The following ACYP2 variants were observed in gnomAD, a reference collection of about 807,000 sequenced individuals.
The protein encoded by ACYP2 is acylphosphatase-2.
In ACYP2, 12 loss-of-function variants were observed where a neutral mutation model predicts 11.2. The observed-to-expected ratio is 1.08, with a 90% confidence interval of 0.69 to 1.74. The LOEUF (loss-of-function observed/expected upper bound fraction) is 1.74, where lower values mean the gene tolerates loss of function less well. ACYP2 is among the 40% of genes most tolerant of loss of function. The pLI, the probability that ACYP2 is intolerant of heterozygous loss-of-function variation, is 0.00. For synonymous variants in ACYP2, 43 were observed against 32.2 expected, an observed-to-expected ratio of 1.33 and a Z score of -1.13; for missense variants, 134 against 101.9, an observed-to-expected ratio of 1.31 and a Z score of -1.35.
intron 6 of ACYP2, among the ~76,000 whole-genome samples, chr2:54,186,431 C>G (rs868827832): frequency 1.3e-5 from 2 of 152,046 alleles, no homozygotes; most frequent in East Asian, 3.8e-4. Flanking sequence ...TCCTTTCTTC[C>G]TATAATTACA....
At chr2:54,037,751 A>G (rs1451204833) in intron 2 of ACYP2, among the ~76,000 whole-genome samples, 6 of 152,240 alleles carry the variant, frequency 3.9e-5, no homozygotes, top group Admixed American at 2.6e-4. Flanking sequence ...AATAAAATAT[A>G]TAGTAAAATC....
intron 6 of ACYP2, among the ~76,000 whole-genome samples, chr2:54,301,946 C>T (rs1242626852): frequency 6.6e-6 from 1 of 152,118 alleles, no homozygotes; most frequent in Non-Finnish European, 1.5e-5. Flanking sequence ...GGAGCCATGA[C>T]ACAAAGTGGC....
At chr2:54,165,515 ACTCTCT>A (rs10575339) in intron 6 of ACYP2, among the ~76,000 whole-genome samples, 5,547 of 131,146 alleles carry the variant, frequency 0.042, 123 homozygotes, top group South Asian at 0.069. Flanking sequence ...TCTCTCTTTC[ACTCTCT>A]CTCTCTCTCT....
chr2:54,024,800 G>A (rs976908017), intron 2 of ACYP2, among the ~76,000 whole-genome samples: 5 of 152,066 alleles, frequency 3.3e-5, no homozygotes, highest in Admixed American at 6.6e-5. Flanking sequence ...TCAAACTGTC[G>A]CTGTTTCCTG....
intron 4 of ACYP2, among the ~76,000 whole-genome samples, chr2:54,069,138 C>T (rs984879240): frequency 6.6e-6 from 1 of 151,938 alleles, no homozygotes; most frequent in African/African-American, 2.4e-5. Flanking sequence ...ACTTTGTTGC[C>T]CAGTCTGGTC....
intron 4 of ACYP2, among the ~76,000 whole-genome samples, chr2:54,125,325 G>T (rs980674130): frequency 6.6e-6 from 1 of 152,012 alleles, no homozygotes; most frequent in Non-Finnish European, 1.5e-5. Flanking sequence ...AATTCCAAAC[G>T]CCATAATCTT....
intron 4 of ACYP2, among the ~76,000 whole-genome samples, chr2:54,105,698 T>C (rs545806797): frequency 6.6e-6 from 1 of 152,028 alleles, no homozygotes; most frequent in East Asian, 1.9e-4. Flanking sequence ...TTTGCCATGT[T>C]GCCCGGGCTG....
At chr2:54,046,739 G>A (rs569996310) in intron 2 of ACYP2, among the ~76,000 whole-genome samples, 34 of 152,254 alleles carry the variant, frequency 2.2e-4, no homozygotes, top group Admixed American at 7.8e-4. Flanking sequence ...GCTTGCACCC[G>A]TTGGTTCAAT....
intron 6 of ACYP2, among the ~76,000 whole-genome samples, chr2:54,264,490 G>A (rs1451013990): frequency 6.6e-6 from 1 of 152,164 alleles, no homozygotes; most frequent in African/African-American, 2.4e-5. Flanking sequence ...TCCTGCTCAG[G>A]GAGCTTAGAA....
chr2:54,198,084 A>G lies in ACYP2; in HGVS notation c.404+59336A>G, dbSNP rs190880068. Among the ~76,000 whole-genome samples the G allele has an allele frequency of 9.9e-4, 150 of 151,952 alleles. 1 individual carries two copies. Among genetic ancestry groups the G allele is most frequent in the Admixed American group, 2.8e-3 (42 of 15,242 alleles). The stretch of plus-strand genomic sequence containing the variant: ...ACCCAGGCTGGAGTGCAGTGGCACG[A>G]TCTTGGCTCACTGCAACCTTGGGCT... On this transcript the variant is annotated intron_variant, in intron 6 of 6. Transcript: ENST00000607452.
chr2:54,157,081 T>A (rs1401514166), intron 6 of ACYP2, among the ~76,000 whole-genome samples: 1 of 152,106 alleles, frequency 6.6e-6, no homozygotes, highest in Non-Finnish European at 1.5e-5. Flanking sequence ...AAAAAAAAAA[T>A]TTACACAAGA....
intron 4 of ACYP2, among the ~76,000 whole-genome samples, chr2:54,132,437 C>T (rs1431755239): frequency 1.3e-5 from 2 of 152,134 alleles, no homozygotes; most frequent in African/African-American, 4.8e-5. Flanking sequence ...ATTTGTGATA[C>T]TATCCTGTCT....
At chr2:54,147,310 G>A (rs1197175670) in intron 6 of ACYP2, among the ~76,000 whole-genome samples, 2 of 152,106 alleles carry the variant, frequency 1.3e-5, no homozygotes, top group Non-Finnish European at 2.9e-5. Context: ...TGGGCTTGAG[G>A]AATGGTGGTG....
At chr2:54,295,227 T>C (rs571970678) in intron 6 of ACYP2, among the ~76,000 whole-genome samples, 1 of 152,324 alleles carries the variant, frequency 6.6e-6, no homozygotes, top group South Asian at 2.1e-4. Flanking sequence ...ATGGCACCGA[T>C]AAATGAACCA....
At chr2:54,224,657 G>A (rs1412495389) in intron 6 of ACYP2, among the ~76,000 whole-genome samples, 2 of 152,230 alleles carry the variant, frequency 1.3e-5, no homozygotes, top group African/African-American at 2.4e-5. Context: ...TTAACTTGTA[G>A]CTTGGCTTTC....
At chr2:54,018,376 G>A (rs1673811426) in intron 2 of ACYP2, among the ~76,000 whole-genome samples, 1 of 151,856 alleles carries the variant, frequency 6.6e-6, no homozygotes, top group Non-Finnish European at 1.5e-5. Flanking sequence ...ACATCAAAAG[G>A]GAAAAAAAGA....
At chr2:54,125,637 C>T (rs1680446206) in intron 4 of ACYP2, among the ~76,000 whole-genome samples, 1 of 152,076 alleles carries the variant, frequency 6.6e-6, no homozygotes, top group South Asian at 2.1e-4. Context: ...GTAATCCCAG[C>T]TACTCAGGAG....
intron 5 of ACYP2, among the ~76,000 whole-genome samples, chr2:54,136,074 T>A (rs543958622): frequency 2.0e-5 from 3 of 152,296 alleles, no homozygotes; most frequent in African/African-American, 7.2e-5. Flanking sequence ...TACTTTTTTA[T>A]TTTTAGTAGA....
intron 4 of ACYP2, among the ~76,000 whole-genome samples, chr2:54,067,708 CT>C (rs1345265162): frequency 3.3e-5 from 5 of 151,754 alleles, no homozygotes; most frequent in Admixed American, 1.3e-4. Context: ...CTAAAAGTAA[CT>C]TTTTTTTTCC....
Sources: gnomAD v4.1 joint callset for allele counts (sites outside exome capture counted in the v4.1 genomes callset) on GRCh38, gnomAD v4.1.1 for gene constraint, MANE v1.5 for transcripts, NCBI Gene and HGNC (gene_info 2026-07-23, HGNC 2026-07-21) for gene names.